Variants in DHRS1 observed in about 807,000 individuals in gnomAD.
The protein encoded by DHRS1 is dehydrogenase/reductase 1.
A neutral mutation model predicts 35.2 loss-of-function variants in DHRS1; 34 were observed. The observed-to-expected ratio is 0.97, with a 90% CI of 0.74 to 1.29. DHRS1 has a LOEUF of 1.29. Among genes scored for constraint, DHRS1 ranks in the 50% most tolerant of loss-of-function variants. The probability of loss-of-function intolerance (pLI) is 0.00; values close to 1 mark genes in which losing one functional copy is unlikely to be tolerated. For missense variants in DHRS1, 354 were observed against 403.6 expected (o/e 0.88, Z 1.05); for synonymous variants, 133 against 160.0 (o/e 0.83, Z 1.27).
At chr14:24,292,444 A>G (rs966324383) in intron 5 of DHRS1, 114 bp from the exon 6 acceptor site, 1 of 1,516,098 alleles carries the variant, frequency 6.6e-7, no homozygotes, top group Admixed American at 1.9e-5. Context: ...CAGGAGCCCC[A>G]AGGTCTCAGC....
chr14:24,292,925 T>A, intron 4 of DHRS1, 141 bp from the exon 5 acceptor site: 1 of 1,064,852 alleles, frequency 9.4e-7, no homozygotes, highest in Non-Finnish European at 1.3e-6. Context: ...ACCTGAGGAA[T>A]TAGGGGCTTG....
chr14:24,298,421 C>A (rs1489113259), intron 2 of DHRS1, among the ~76,000 whole-genome samples: 3 of 152,136 alleles, frequency 2.0e-5, no homozygotes, highest in Non-Finnish European at 4.4e-5. Flanking sequence ...TTTACCAATG[C>A]CTAGCAAATC....
At chr14:24,293,821 T>G (rs961238116) in intron 4 of DHRS1, 6 of 151,948 alleles carry the variant, frequency 3.9e-5, no homozygotes, top group African/African-American at 1.4e-4. Flanking sequence ...AGACCCCGTC[T>G]CTAAAAAATA....
In DHRS1 at chr14:24,291,638, G is replaced by A. The variant is rs1449551530; in HGVS notation, c.655-13C>T. On this transcript the variant is annotated splice_polypyrimidine_tract_variant and intron_variant, in intron 6 of 8. Transcript: ENST00000288111. ...AGGCTGATTTGAACTGAAACACAGG[G>A]GCAGAGAAGTGAAGGGTTAATTTCC... 6.2e-7 allele frequency: 1 copy of A among 1,613,678 alleles called. No homozygotes were observed. The highest frequency in any genetic ancestry group is 1.1e-5 in the South Asian group (1 of 91,074).
intron 7 of DHRS1, 145 bp from the exon 8 acceptor site, chr14:24,291,364 C>T: frequency 9.2e-7 from 1 of 1,089,178 alleles, no homozygotes; most frequent in Non-Finnish European, 1.4e-6. Flanking sequence ...GGACTTTTTC[C>T]ACACTTCCCA....
intron 1 of DHRS1, 103 bp from the exon 2 acceptor site, chr14:24,299,233 G>T: frequency 8.9e-7 from 1 of 1,126,898 alleles, no homozygotes; most frequent in Non-Finnish European, 1.2e-6. Flanking sequence ...AAGAGGAGGA[G>T]CCAAGGTAAG....
intron 5 of DHRS1, 43 bp downstream of exon 5, chr14:24,292,609 A>G (rs758640596): frequency 3.7e-6 from 6 of 1,614,082 alleles, no homozygotes; most frequent in Admixed American, 3.3e-5. Flanking sequence ...AGGTAACATC[A>G]CTGTCTTTTA....
chr14:24,292,286 A>G lies in DHRS1; in HGVS notation c.552T>C (p.His184=), dbSNP rs1483305071. 6.2e-7 allele frequency: 1 copy of G among 1,613,726 alleles called. No homozygotes were observed. Among genetic ancestry groups the G allele is most frequent in the Non-Finnish European group, 8.5e-7 (1 of 1,179,918 alleles). Residue 184 remains histidine, a synonymous_variant, in exon 6 of 9, where the codon CAT becomes CAC. Transcript: ENST00000288111. Reference sequence around the variant, plus strand: ...GCCACAGAGACACACAGCTGACCCCATGGCGCCGCAGCTCGTGGGCACAGT... The same window carrying G: ...GCCACAGAGACACACAGCTGACCCCGTGGCGCCGCAGCTCGTGGGCACAGT... ...AADCAHELRR[H]GVSCVSLWPG...
intron 5 of DHRS1, 41 bp downstream of exon 5, chr14:24,292,611 T>C: frequency 6.2e-7 from 1 of 1,614,136 alleles, no homozygotes; most frequent in Non-Finnish European, 8.5e-7. Context: ...GTAACATCAC[T>C]GTCTTTTACC....
In DHRS1 at chr14:24,296,591, G is replaced by C; in HGVS notation, c.295-3C>G. 1 of 1,614,150 alleles carries C rather than the reference G, an allele frequency of 6.2e-7. No individual in the cohort carries two copies. The highest frequency in any genetic ancestry group is 8.5e-7 in the Non-Finnish European group (1 of 1,180,028). On this transcript the variant is annotated splice_polypyrimidine_tract_variant and splice_region_variant and intron_variant, in intron 3 of 8. Transcript: ENST00000288111. Reference sequence around the variant, plus strand: ...TTATTCCTGGTGTTCAGGATCGTCTGGAAGGCACAGGGAGGGTGATGAATG... The same window carrying C: ...TTATTCCTGGTGTTCAGGATCGTCTCGAAGGCACAGGGAGGGTGATGAATG...
At chr14:24,291,959 T>C in intron 6 of DHRS1, 1 of 627,982 alleles carries the variant, frequency 1.6e-6, no homozygotes, top group Non-Finnish European at 2.8e-6. Context: ...TTAGGACATA[T>C]GTGACCTTCA....
intron 6 of DHRS1, chr14:24,291,979 T>C: frequency 1.5e-6 from 1 of 685,082 alleles, no homozygotes; most frequent in South Asian, 1.9e-5. Flanking sequence ...AACAAGTTTC[T>C]AAACCTCTCT....
intron 4 of DHRS1, among the ~76,000 whole-genome samples, chr14:24,295,280 A>G (rs556753766): frequency 4.6e-5 from 7 of 152,368 alleles, no homozygotes; most frequent in Admixed American, 2.6e-4. Flanking sequence ...CACTGAGGGG[A>G]ATAAGATTAT....
chr14:24,294,204 T>C (rs540126032), intron 4 of DHRS1: 6 of 152,224 alleles, frequency 3.9e-5, no homozygotes, highest in African/African-American at 1.4e-4. Context: ...AGACAGAAAC[T>C]ATAAAAGACT....
chr14:24,292,797 G>A lies in DHRS1; in HGVS notation c.375-13C>T, dbSNP rs759979703. 6.2e-7 allele frequency: 1 copy of A among 1,607,914 alleles called. No individual in the cohort carries two copies. Among genetic ancestry groups the A allele is most frequent in the African/African-American group, 1.3e-5 (1 of 74,568 alleles). The stretch of plus-strand genomic sequence containing the variant: ...AAAGTAGTGGCCTCTAGAAGGTGGG[G>A]CAAGGGAAGAAGGAATGAACCGTGT... On this transcript the variant is annotated splice_polypyrimidine_tract_variant and intron_variant, in intron 4 of 8. Coordinates refer to ENST00000288111, the MANE Select transcript of DHRS1 (RefSeq NM_001136050.3).
rs1396722276 is a variant in DHRS1 at position 24,296,774 on chromosome 14, T to C, written c.258A>G (p.Leu86=). The C allele has an allele frequency of 1.2e-6, 2 of 1,614,108 alleles. No homozygotes were observed. The highest frequency in any genetic ancestry group is 2.2e-5 in the East Asian group (1 of 44,894). The change falls in exon 3 of 9, where the codon CTA becomes CTG. Residue 86 remains leucine, a synonymous_variant. Transcript: ENST00000288111. ...CATAAGCATTGTTGACCAGCACATC[T>C]AGACGCCCTTGCTGTTCCCGATCCA... ...EQVDREQQGR[L]DVLVNNAYAG...
intron 7 of DHRS1, 126 bp from the exon 8 acceptor site, chr14:24,291,345 T>C: frequency 5.1e-6 from 6 of 1,167,320 alleles, no homozygotes; most frequent in Non-Finnish European, 7.6e-6. Context: ...GCTCTTTCTC[T>C]TGGGCCTTGG....
In DHRS1 at chr14:24,292,752, C is replaced by T. The variant is rs752762763; in HGVS notation, c.407G>A (p.Arg136Gln). The change falls in exon 5 of 9, where the codon CGG (arginine) becomes CAG (glutamine). Residue 136 changes from arginine (R) to glutamine (Q), a missense_variant. Transcript: ENST00000288111. Reference protein sequence around the residue: ...GHYFCSVYGARLMVPAGQGLI... With the variant: ...GHYFCSVYGAQLMVPAGQGLI... ...CCCCTGGCCAGCTGGTACCATCAGC[C>T]GTGCCCCATACACTGAGCAAAAGTA... The T allele has an allele frequency of 3.7e-5, 59 of 1,614,052 alleles. No individual in the cohort carries two copies. The Admixed American group carries it at 4.5e-4, about 12-fold the overall frequency.
In DHRS1 at chr14:24,291,124, T is replaced by G. The variant is rs200839029; in HGVS notation, c.805+15A>C. 6 of 1,614,012 alleles carry G rather than the reference T, an allele frequency of 3.7e-6. No homozygotes were observed. The East Asian group carries it at 1.3e-4, about 36-fold the overall frequency. ...GAACAGCAGTCAAGGCTGACTGCTG[T>G]GCCAGGGTCCTCACCGTCCACATCC... On this transcript the variant is annotated intron_variant, in intron 8 of 8. Coordinates refer to ENST00000288111, the MANE Select transcript of DHRS1 (RefSeq NM_001136050.3).
Sources: gnomAD v4.1 joint callset for allele counts (sites outside exome capture counted in the v4.1 genomes callset) on GRCh38, gnomAD v4.1.1 for gene constraint, MANE v1.5 for transcripts, NCBI Gene and HGNC (gene_info 2026-07-23, HGNC 2026-07-21) for gene names.